Variants in RPS4X observed in about 807,000 individuals in gnomAD.
RPS4X encodes the protein small ribosomal subunit protein eS4, X isoform.
For synonymous variants in RPS4X, 76 were observed against 76.8 expected, an observed-to-expected ratio of 0.99 and a Z score of 0.06; for missense variants, 90 against 219.1, an observed-to-expected ratio of 0.41 and a Z score of 3.72.
At chrX:72,273,181 C>G (rs750231990) in intron 6 of RPS4X, 51 bp downstream of exon 6, 1 of 1,124,355 alleles carries the variant, frequency 8.9e-7, no homozygotes, top group Non-Finnish European at 1.2e-6. Flanking sequence ...CCAGCAGCCA[C>G]CTGCATTTAC....
chrX:72,275,713 T>C lies in RPS4X; in HGVS notation c.93A>G (p.Pro31=), dbSNP rs1362223281. The change falls in exon 3 of 7, where the codon CCA becomes CCG. Residue 31 remains proline, a synonymous_variant. Transcript: ENST00000316084. The part of the protein sequence containing the change: ...DKLTGVFAPR[P]STGPHKLREC... ...CTCTCAACTTGTGGGGACCGGTGGA[T>C]GGACGAGGAGCCTGTAACGTTAAAA... 1 of 1,197,106 alleles carries C rather than the reference T, an allele frequency of 8.4e-7. No individual in the cohort carries two copies. The highest frequency in any genetic ancestry group is 1.8e-5 in the African/African-American group (1 of 56,552).
intron 4 of RPS4X, chrX:72,274,593 C>A: frequency 3.7e-6 from 1 of 268,713 alleles, no homozygotes; most frequent in Non-Finnish European, 7.3e-6. Flanking sequence ...CAAACTAGTG[C>A]CTCAAGGACT....
intron 4 of RPS4X, chrX:72,274,777 C>T (rs934281004): frequency 2.1e-5 from 6 of 281,765 alleles, no homozygotes; most frequent in South Asian, 7.0e-5. Context: ...TCATTTCTAC[C>T]ACAAAAAAAG....
rs1436600939 is a variant in RPS4X at position 72,276,206 on chromosome X, C to T, written c.32G>A (p.Arg11Gln). The T allele has an allele frequency of 1.7e-6, 2 of 1,208,889 alleles. No individual in the cohort carries two copies. The highest frequency in any genetic ancestry group is 1.7e-5 in the African/African-American group (1 of 57,212). MARGPKKHLK[R>Q]VAAPKHWMLD... is the part of the protein sequence containing the mutation. Reference sequence around the variant, plus strand: ...CATCCAATGCTTTGGAGCTGCCACCCGCTTCAGATGCTTCTTGGGACCACG... The same window carrying T: ...CATCCAATGCTTTGGAGCTGCCACCTGCTTCAGATGCTTCTTGGGACCACG... The change falls in exon 2 of 7, where the codon CGG (arginine) becomes CAG (glutamine). Residue 11 changes from arginine to glutamine, a missense_variant. Arg to Gln is a conservative substitution (Grantham distance 43). Coordinates refer to ENST00000316084, the MANE Select transcript of RPS4X (RefSeq NM_001007.5).
In RPS4X at chrX:72,272,635, C is replaced by A; in HGVS notation, c.*36G>T. ...AATCCTGCCACAATATTTTTAATTA[C>A]GTACAAAGATCTGACATGTCACCCA... On this transcript the variant is annotated 3_prime_UTR_variant, in exon 7 of 7. Coordinates refer to ENST00000316084, the MANE Select transcript of RPS4X (RefSeq NM_001007.5). 1.0e-6 allele frequency: 1 copy of A among 957,349 alleles called. No homozygotes were observed. 78.9% of individuals were successfully genotyped at this position (957,349 alleles called of 1,213,427 possible).
rs1423725032 is a variant in RPS4X, at chrX:72,273,185, C to T, written c.690+47G>A. ...ATGCTACAATCCCAGCAGCCACCTG[C>T]ATTTACATATTTCCTCAGACTAGAG... is the stretch of plus-strand genomic sequence containing the variant. On this transcript the variant is annotated intron_variant, in intron 6 of 6. Coordinates refer to ENST00000316084, the MANE Select transcript of RPS4X (RefSeq NM_001007.5). 3 of 1,135,772 alleles carry T rather than the reference C, an allele frequency of 2.6e-6. No homozygotes were observed. In the Admixed American group the frequency reaches 7.2e-5, roughly 27 times the overall value. The allele number at this position is 1,135,772 out of a possible 1,213,427, so 93.6% of individuals were successfully genotyped here.
Position 72,276,012 on chromosome X carries a change from G to A in RPS4X, c.81+145C>T, listed in dbSNP as rs2043201644. 7.8e-6 allele frequency: 4 copies of A among 512,666 alleles called. No homozygotes were observed. The East Asian group carries it at 1.5e-4, about 19-fold the overall frequency. 42.2% of individuals were successfully genotyped at this position (512,666 alleles called of 1,213,427 possible). ...AGGCACAAAAATATTAAATCGATTG[G>A]AAGTGGAGGACAGCTAGATAGTATA... is the stretch of plus-strand genomic sequence containing the variant. On this transcript the variant is annotated intron_variant, in intron 2 of 6. Transcript: ENST00000316084.
intron 4 of RPS4X, chrX:72,274,745 G>A (rs1272996510): frequency 4.2e-6 from 1 of 239,630 alleles, no homozygotes; most frequent in Non-Finnish European, 7.7e-6. Flanking sequence ...GAGACACCAG[G>A]AAGTCGCGGT....
chrX:72,277,213 A>G lies in RPS4X; in HGVS notation c.-18T>C. 1 of 1,209,729 alleles carries G rather than the reference A, an allele frequency of 8.3e-7. No individual in the cohort carries two copies. The highest frequency in any genetic ancestry group is 1.1e-6 in the Non-Finnish European group (1 of 894,236). ...CTTACCATGGCTGCGTTAGGCAAGG[A>G]AAGAGGACCTCCGTCTTCCGGTGCG... On this transcript the variant is annotated 5_prime_UTR_variant, in exon 1 of 7. Coordinates refer to ENST00000316084, the MANE Select transcript of RPS4X (RefSeq NM_001007.5).
intron 2 of RPS4X, 37 bp downstream of exon 2, chrX:72,276,120 A>C (rs753443650): frequency 8.9e-5 from 99 of 1,116,007 alleles, no homozygotes; most frequent in Non-Finnish European, 1.2e-4. Context: ...GACACTTAAA[A>C]ACAGTGGCCA....
intron 5 of RPS4X, among the ~76,000 whole-genome samples, 179 bp downstream of exon 5, chrX:72,273,622 C>T (rs1203538955): frequency 9.0e-6 from 1 of 111,542 alleles, no homozygotes; most frequent in Non-Finnish European, 1.9e-5. Flanking sequence ...AGACCCTCCT[C>T]TATAAAAAAC....
chrX:72,276,623 A>G lies in RPS4X; in HGVS notation c.4-389T>C, dbSNP rs768720035. ...GAGCCAGGAGTCTACCTGTGTTTCT[A>G]AAGTTTTCACAATTTATTACCGTCT... On this transcript the variant is annotated intron_variant, in intron 1 of 6. Transcript: ENST00000316084. Among the ~76,000 whole-genome samples the G allele has an allele frequency of 1.4e-3, 155 of 112,301 alleles. 2 individuals are homozygous for G. Among genetic ancestry groups the G allele is most frequent in the Non-Finnish European group, 2.6e-3 (136 of 53,291 alleles).
In RPS4X at chrX:72,272,584, AC is replaced by A. The variant is rs1333916867; in HGVS notation, c.*86del. The A allele has an allele frequency of 2.6e-5, 15 of 585,426 alleles. No individual in the cohort carries two copies. The highest frequency in any genetic ancestry group is 1.5e-4 in the South Asian group (5 of 33,545). The allele number at this position is 585,426 out of a possible 1,213,427, so 48.2% of individuals were successfully genotyped here. The stretch of plus-strand genomic sequence containing the variant: ...GCAGGAAACTGAATTAAAAAAAAAA[AC>A]AACCCACAAAACCAAAATGCTATTA... On this transcript the variant is annotated 3_prime_UTR_variant, in exon 7 of 7. Coordinates refer to ENST00000316084, the MANE Select transcript of RPS4X (RefSeq NM_001007.5).
At chrX:72,275,514 T>C (rs1162994761) in intron 3 of RPS4X, 30 bp downstream of exon 3, 20 of 1,087,284 alleles carry the variant, frequency 1.8e-5, no homozygotes, top group Non-Finnish European at 2.5e-5. Flanking sequence ...GCCATCAATA[T>C]GCGTCTCCAG....
chrX:72,272,642 A>C lies in RPS4X; in HGVS notation c.*29T>G. On this transcript the variant is annotated 3_prime_UTR_variant, in exon 7 of 7. Coordinates refer to ENST00000316084, the MANE Select transcript of RPS4X (RefSeq NM_001007.5). ...CCACAATATTTTTAATTACGTACAA[A>C]GATCTGACATGTCACCCAGGGACCC... 1 of 1,009,039 alleles carries C rather than the reference A, an allele frequency of 9.9e-7. No individual in the cohort carries two copies. The highest frequency in any genetic ancestry group is 3.1e-5 in the East Asian group (1 of 32,732). The allele number at this position is 1,009,039 out of a possible 1,213,427, so 83.2% of individuals were successfully genotyped here.
chrX:72,276,370 C>T, intron 1 of RPS4X, 136 bp from the exon 2 acceptor site: 1 of 460,875 alleles, frequency 2.2e-6, no homozygotes, highest in Non-Finnish European at 3.8e-6. Context: ...TCCGATAAAA[C>T]AGAAACAAAC....
chrX:72,274,215 C>A, intron 4 of RPS4X: 1 of 399,868 alleles, frequency 2.5e-6, no homozygotes, highest in Non-Finnish European at 4.5e-6. Flanking sequence ...CCTTATGGGG[C>A]CCTGGGAATT....
In RPS4X at chrX:72,276,147, A is replaced by G. The variant is rs1232545815; in HGVS notation, c.81+10T>C. 8.4e-7 allele frequency: 1 copy of G among 1,190,733 alleles called. No homozygotes were observed. The highest frequency in any genetic ancestry group is 3.0e-5 in the East Asian group (1 of 33,771). On this transcript the variant is annotated intron_variant, in intron 2 of 6. Coordinates refer to ENST00000316084, the MANE Select transcript of RPS4X (RefSeq NM_001007.5). ...CAGTGGCCACGGAAATATTTATATA[A>G]GATACTTACAAACACACCGGTCAAT...
In RPS4X at chrX:72,275,014, C is replaced by G. The variant is rs774285502; in HGVS notation, c.360+39G>C. The G allele has an allele frequency of 5.3e-6, 5 of 948,571 alleles. No individual in the cohort carries two copies. The Admixed American group carries it at 1.1e-4, about 21-fold the overall frequency. 78.2% of individuals were successfully genotyped at this position (948,571 alleles called of 1,213,427 possible). A position where few individuals can be genotyped will look rare whatever the true frequency, so the allele number is the denominator to read the frequency against. ...AATGCAGGCCCTTAGAACAAAGTAA[C>G]TATACTGAGTAAAGACCCAGCTTGC... On this transcript the variant is annotated intron_variant, in intron 4 of 6. Transcript: ENST00000316084.
Sources: gnomAD v4.1 joint callset for allele counts (sites outside exome capture counted in the v4.1 genomes callset) on GRCh38, gnomAD v4.1.1 for gene constraint, MANE v1.5 for transcripts, NCBI Gene and HGNC (gene_info 2026-07-23, HGNC 2026-07-21) for gene names.